The following PABPC1 variants were observed in gnomAD, a reference collection of about 807,000 sequenced individuals.
PABPC1 encodes the protein poly(A) binding protein cytoplasmic 1, also known as polyadenylate-binding protein 1.
In PABPC1, 4 loss-of-function variants were observed where a neutral mutation model predicts 74.0. The ratio of observed to expected loss-of-function variants is 0.05; its 90% CI spans 0.03 to 0.12. The LOEUF (loss-of-function observed/expected upper bound fraction) is 0.12. Among genes scored for constraint, PABPC1 ranks in the 10% least tolerant of loss-of-function variants. The pLI, the probability that PABPC1 is intolerant of heterozygous loss-of-function variation, is 1.00. For missense variants in PABPC1, 271 were observed against 821.1 expected (o/e 0.33, Z 8.19); for synonymous variants, 227 against 264.1 (o/e 0.86, Z 1.36).
intron 3 of PABPC1, 22 bp from the exon 4 acceptor site, chr8:100,715,623 A>G (rs373821509): frequency 1.1e-5 from 17 of 1,539,128 alleles, no homozygotes; most frequent in African/African-American, 1.4e-5. Context: ...TACAAGGACT[A>G]TAACATTAGA....
At chr8:100,719,652 C>A (rs1304768302) in intron 1 of PABPC1, among the ~76,000 whole-genome samples, 1 of 152,124 alleles carries the variant, frequency 6.6e-6, no homozygotes, top group Non-Finnish European at 1.5e-5. Flanking sequence ...ATATACTGTA[C>A]ACTGTAACCA....
At chr8:100,708,880 A>AAAATAAATAATAAATAAT (rs143041643) in intron 9 of PABPC1, among the ~76,000 whole-genome samples, 3 of 145,282 alleles carry the variant, frequency 2.1e-5, no homozygotes, top group African/African-American at 8.2e-5. Context: ...CTCTGTCTCG[A>AAAATAAATAATAAATAAT]AAATAAATAA....
chr8:100,708,453 CT>C (rs1199867937), intron 9 of PABPC1, among the ~76,000 whole-genome samples: 5 of 150,596 alleles, frequency 3.3e-5, no homozygotes, highest in African/African-American at 1.2e-4. Flanking sequence ...GAGACTCTGT[CT>C]AAAAAAATAA....
chr8:100,719,735 C>A (rs1344408758), intron 1 of PABPC1, among the ~76,000 whole-genome samples: 1 of 152,262 alleles, frequency 6.6e-6, no homozygotes, highest in Admixed American at 6.5e-5. Flanking sequence ...AAACGTTAAG[C>A]TGAGAAAGAG....
At chr8:100,712,284 A>C (rs2129714206) in intron 7 of PABPC1, 78 bp downstream of exon 7, 1 of 820,206 alleles carries the variant, frequency 1.2e-6, no homozygotes, top group Non-Finnish European at 2.0e-6. Context: ...GGCTATAATA[A>C]TACAAAATTT....
chr8:100,707,254 G>T (rs964752238), intron 9 of PABPC1: 2 of 319,678 alleles, frequency 6.3e-6, no homozygotes, highest in South Asian at 3.0e-5. Flanking sequence ...ATGCAGCGAC[G>T]AGAGAGTGCA....
In PABPC1 at chr8:100,721,670, G is replaced by A. The variant is rs911112845; in HGVS notation, c.-87C>T. ...TGCCGGGGCTGGGGGCCGGAGCCGGGGGGAGGGGAGCGGGGAGCAAGCGCA... is the reference window on the plus strand; with the variant it reads ...TGCCGGGGCTGGGGGCCGGAGCCGGAGGGAGGGGAGCGGGGAGCAAGCGCA... On this transcript the variant is annotated 5_prime_UTR_variant, in exon 1 of 15. Coordinates refer to ENST00000318607, the MANE Select transcript of PABPC1 (RefSeq NM_002568.4). The surrounding 1 kb of genome is among the most constrained non-coding windows in gnomAD (Gnocchi z 7.4). The A allele has an allele frequency of 1.7e-6, 2 of 1,158,708 alleles. No individual in the cohort carries two copies. Among genetic ancestry groups the A allele is most frequent in the East Asian group, 3.0e-5 (1 of 33,082 alleles). 71.8% of individuals were successfully genotyped at this position (1,158,708 alleles called of 1,614,324 possible).
At chr8:100,703,988 G>A (rs949413087) in intron 14 of PABPC1, 18 of 228,126 alleles carry the variant, frequency 7.9e-5, no homozygotes, top group Middle Eastern at 1.9e-3. Flanking sequence ...CTGGGAGGTG[G>A]AGGTTGCAGT....
chr8:100,718,543 C>A (rs985342804), intron 1 of PABPC1, among the ~76,000 whole-genome samples: 7 of 152,190 alleles, frequency 4.6e-5, no homozygotes, highest in African/African-American at 1.7e-4. Flanking sequence ...TTAATAAATT[C>A]TTGACGCAAT....
chr8:100,720,474 T>C (rs575339065), intron 1 of PABPC1, among the ~76,000 whole-genome samples: 4 of 152,268 alleles, frequency 2.6e-5, no homozygotes, highest in South Asian at 2.1e-4. Context: ...ACTGGTCCAG[T>C]TGGAATTACA....
chr8:100,713,679 G>A (rs1182118145), intron 4 of PABPC1, among the ~76,000 whole-genome samples: 1 of 152,032 alleles, frequency 6.6e-6, no homozygotes, highest in Admixed American at 6.6e-5. Flanking sequence ...GTAGAGATAG[G>A]GTCTTGCTAT....
chr8:100,710,163 A>C (rs2129701294), intron 7 of PABPC1, among the ~76,000 whole-genome samples: 1 of 152,066 alleles, frequency 6.6e-6, no homozygotes, highest in Admixed American at 6.6e-5. Context: ...AGAAAAAAGT[A>C]GTTGAATCTT....
intron 4 of PABPC1, 24 bp from the exon 5 acceptor site, chr8:100,713,205 C>G: frequency 7.5e-7 from 1 of 1,338,758 alleles, no homozygotes. Context: ...TTACATAAAT[C>G]AAAGATATTC....
Position 100,713,057 on chromosome 8 carries a change from C to T in PABPC1, c.738+30G>A, listed in dbSNP as rs200516130. ...ACAAGAGCAACTCAACTTTGTACCC[C>T]CTTCTTCCTGCTGAATACAGACCAC... On this transcript the variant is annotated intron_variant, in intron 5 of 14. Transcript: ENST00000318607. 4.3e-5 allele frequency: 63 copies of T among 1,467,654 alleles called. 1 individual carries two copies. Among genetic ancestry groups the T allele is most frequent in the Non-Finnish European group, 5.6e-6 (6 of 1,064,392 alleles). 90.9% of individuals were successfully genotyped at this position (1,467,654 alleles called of 1,614,324 possible). A position where few individuals can be genotyped will look rare whatever the true frequency, so the allele number is the denominator to read the frequency against.
chr8:100,710,196 A>G (rs753753830), intron 7 of PABPC1, among the ~76,000 whole-genome samples: 9 of 152,220 alleles, frequency 5.9e-5, no homozygotes, highest in Non-Finnish European at 8.8e-5. Flanking sequence ...TCTTAAAATA[A>G]AAGTTTTTAC....
chr8:100,705,509 CA>C lies in PABPC1; in HGVS notation c.1687+79del, dbSNP rs1810357282. On this transcript the variant is annotated intron_variant, in intron 12 of 14. Coordinates refer to ENST00000318607, the MANE Select transcript of PABPC1 (RefSeq NM_002568.4). ...AGATCAATTCCACTGCCCTAGCTGT[CA>C]ATTGATTGACCTAGTGCCTAAGTGA... 2.5e-5 allele frequency: 21 copies of C among 839,168 alleles called. No homozygotes were observed. In the Middle Eastern group the frequency reaches 8.8e-4, roughly 35 times the overall value. The allele number at this position is 839,168 out of a possible 1,614,324, so 52.0% of individuals were successfully genotyped here.
At chr8:100,712,589 A>T (rs778130258) in intron 6 of PABPC1, 63 bp downstream of exon 6, 8 of 1,562,044 alleles carry the variant, frequency 5.1e-6, no homozygotes, top group Non-Finnish European at 6.1e-6. Context: ...GAAGTAACTG[A>T]AATCAACGTA....
At chr8:100,704,228 A>G in intron 14 of PABPC1, 69 bp downstream of exon 14, 1 of 1,189,950 alleles carries the variant, frequency 8.4e-7, no homozygotes, top group Admixed American at 1.7e-5. Context: ...ATTTCAAAAT[A>G]TGCTCAACAA....
chr8:100,718,309 A>G (rs372353628), intron 1 of PABPC1, 29 bp from the exon 2 acceptor site: 2 of 1,582,422 alleles, frequency 1.3e-6, no homozygotes, highest in African/African-American at 2.7e-5. Context: ...CAGAGTCAAT[A>G]TTACTTCAAA....
Sources: allele counts gnomAD v4.1 joint callset (sites outside exome capture counted in the v4.1 genomes callset), GRCh38; gene constraint gnomAD v4.1.1; non-coding constraint Gnocchi (gnomAD v3.1); transcripts MANE v1.5; gene names NCBI Gene and HGNC (gene_info 2026-07-23, HGNC 2026-07-21).